MALRD1: variants seen among roughly 807,000 people sequenced by gnomAD.
MALRD1 encodes MAM and LDL receptor class A domain containing 1.
MALRD1 carries 247 observed loss-of-function variants against 242.1 expected under a neutral mutation model. That is an observed-to-expected ratio of 1.02 (90% CI 0.92 to 1.13). The LOEUF is 1.13. Among genes scored for constraint, MALRD1 ranks in the 50% most tolerant of loss-of-function variants. The pLI, the probability that MALRD1 is intolerant of heterozygous loss-of-function variation, is 0.00. For missense variants in MALRD1, 2,989 were observed against 2,533.1 expected, an observed-to-expected ratio of 1.18 and a Z score of -3.86; for synonymous variants, 995 against 866.6, an observed-to-expected ratio of 1.15 and a Z score of -2.60.
At position 19,228,218 on chromosome 10, in the gene MALRD1, A is replaced by G. The variant is rs368769470; in HGVS notation, c.2991+18538A>G. On this transcript the variant is annotated intron_variant, in intron 18 of 39. Coordinates refer to ENST00000454679, the MANE Select transcript of MALRD1 (RefSeq NM_001142308.3). ...TGTATATGGAGTACCACTCAACAAT[A>G]AAAAGGAGCAAACTGATACAACAGC... Among the ~76,000 whole-genome samples the G allele has an allele frequency of 3.3e-5, 5 of 152,186 alleles. No homozygotes were observed. The East Asian group carries it at 7.7e-4, about 23-fold the overall frequency.
At chr10:19,729,102 T>C (rs564954324) in intron 38 of MALRD1, among the ~76,000 whole-genome samples, 2 of 152,306 alleles carry the variant, frequency 1.3e-5, no homozygotes, top group East Asian at 3.9e-4. Context: ...TATTGTATAT[T>C]TAAGCCAGTG....
chr10:19,201,697 T>C (rs1165996902), intron 14 of MALRD1, among the ~76,000 whole-genome samples: 1 of 152,242 alleles, frequency 6.6e-6, no homozygotes, highest in Admixed American at 6.5e-5. Flanking sequence ...AGATAGCTTT[T>C]AATCCTGTGA....
chr10:19,659,285 G>A (rs1230247158), intron 36 of MALRD1, among the ~76,000 whole-genome samples: 1 of 152,046 alleles, frequency 6.6e-6, no homozygotes, highest in African/African-American at 2.4e-5. Flanking sequence ...ACAGTTCTAG[G>A]CACTTTCATG....
At chr10:19,633,347 T>G (rs924630867) in intron 36 of MALRD1, among the ~76,000 whole-genome samples, 1 of 152,192 alleles carries the variant, frequency 6.6e-6, no homozygotes, top group African/African-American at 2.4e-5. Context: ...TCGAGGGGAC[T>G]TCCCAGAGAG....
chr10:19,367,981 T>C (rs1409732317), intron 26 of MALRD1, among the ~76,000 whole-genome samples: 2 of 152,096 alleles, frequency 1.3e-5, no homozygotes, highest in East Asian at 1.9e-4. Context: ...TGTTGAGATA[T>C]ATGTTTTCCT....
intron 36 of MALRD1, among the ~76,000 whole-genome samples, chr10:19,684,264 G>C (rs536404446): frequency 6.6e-6 from 1 of 152,290 alleles, no homozygotes; most frequent in East Asian, 1.9e-4. Context: ...ACTGTGAAAT[G>C]AGGAAATAAT....
chr10:19,210,106 C>G (rs1299408297), intron 18 of MALRD1, among the ~76,000 whole-genome samples: 1 of 152,174 alleles, frequency 6.6e-6, no homozygotes, highest in East Asian at 1.9e-4. Context: ...ATTCAACAAT[C>G]AGTTCCTCTG....
At chr10:19,701,100 G>C (rs1361324080) in intron 38 of MALRD1, among the ~76,000 whole-genome samples, 2 of 152,172 alleles carry the variant, frequency 1.3e-5, no homozygotes, top group African/African-American at 2.4e-5. Context: ...AATGAGCTGT[G>C]ATTGTGCCAC....
chr10:19,424,856 A>G (rs376442078), intron 28 of MALRD1, among the ~76,000 whole-genome samples: 23 of 152,166 alleles, frequency 1.5e-4, no homozygotes, highest in Admixed American at 8.5e-4. Context: ...AATATCAGGC[A>G]CTAGAAAATT....
chr10:19,132,901 G>A (rs1012920037), intron 8 of MALRD1, among the ~76,000 whole-genome samples: 57 of 152,096 alleles, frequency 3.7e-4, no homozygotes, highest in African/African-American at 1.2e-3. Context: ...CATACATGCC[G>A]TAGACAAAAT....
chr10:19,705,507 A>T (rs12360295), intron 38 of MALRD1, among the ~76,000 whole-genome samples: 330 of 152,280 alleles, frequency 2.2e-3, no homozygotes, highest in Middle Eastern at 6.8e-3. Context: ...CTCACTCCCA[A>T]ATCCCAGTCC....
At chr10:19,582,241 C>T (rs1352571689) in intron 33 of MALRD1, among the ~76,000 whole-genome samples, 259 of 151,824 alleles carry the variant, frequency 1.7e-3, no homozygotes, top group African/African-American at 5.6e-3. Flanking sequence ...ATCCCATTTG[C>T]CAATTTTGTC....
intron 31 of MALRD1, among the ~76,000 whole-genome samples, chr10:19,521,499 C>T (rs1198875318): frequency 6.6e-6 from 1 of 152,030 alleles, no homozygotes; most frequent in South Asian, 2.1e-4. Context: ...TTGTGTCCTC[C>T]CCCTCACTAT....
At chr10:19,310,228 T>C (rs564989829) in intron 21 of MALRD1, among the ~76,000 whole-genome samples, 1 of 151,544 alleles carries the variant, frequency 6.6e-6, no homozygotes, top group South Asian at 2.1e-4. Flanking sequence ...AGATTTGCTT[T>C]TTTACTGACG....
At chr10:19,066,333 TAG>T (rs758141756) in intron 1 of MALRD1, among the ~76,000 whole-genome samples, 3 of 152,190 alleles carry the variant, frequency 2.0e-5, no homozygotes, top group Non-Finnish European at 1.5e-5. Context: ...TATTGTATTA[TAG>T]ATCTTCATAG....
At chr10:19,165,925 A>G in intron 13 of MALRD1, 115 bp downstream of exon 13, 1 of 701,542 alleles carries the variant, frequency 1.4e-6, no homozygotes, top group Non-Finnish European at 2.0e-6. Context: ...CACATATGAA[A>G]TTAATACAAT....
In MALRD1 at chr10:19,599,630, G is replaced by A. The variant is rs1201357546; in HGVS notation, c.5944+4173G>A. 6.6e-5 allele frequency among the ~76,000 whole-genome samples: 10 copies of A among 152,032 alleles called. No individual in the cohort carries two copies. The East Asian group carries it at 7.7e-4, about 12-fold the overall frequency. The stretch of plus-strand genomic sequence containing the variant: ...CTGGCAAGAAATAGTTATTGATATC[G>A]CATAGGTTGAAAAAATATTAATAAG... On this transcript the variant is annotated intron_variant, in intron 34 of 39. Transcript: ENST00000454679.
intron 18 of MALRD1, among the ~76,000 whole-genome samples, chr10:19,228,821 G>T (rs1304559495): frequency 2.0e-5 from 3 of 151,952 alleles, no homozygotes; most frequent in African/African-American, 7.3e-5. Context: ...TTACTATAAA[G>T]GATATACCAA....
chr10:19,390,042 G>A (rs1414956018), intron 28 of MALRD1, among the ~76,000 whole-genome samples: 3 of 152,102 alleles, frequency 2.0e-5, no homozygotes, highest in Non-Finnish European at 4.4e-5. Context: ...GCCATCTCCT[G>A]TGGCTGAAAT....
Sources: allele counts gnomAD v4.1 joint callset (sites outside exome capture counted in the v4.1 genomes callset), GRCh38; gene constraint gnomAD v4.1.1; transcripts MANE v1.5; gene names NCBI Gene and HGNC (gene_info 2026-07-23, HGNC 2026-07-21).